COL3A1: variants seen among roughly 807,000 people sequenced by gnomAD.
COL3A1 encodes the protein collagen alpha-1(III) chain.
COL3A1 carries 46 observed loss-of-function variants against 200.9 expected under a neutral mutation model. That is an observed-to-expected ratio of 0.23 (90% confidence interval 0.18 to 0.29). The LOEUF (loss-of-function observed/expected upper bound fraction) is 0.29. Among genes scored for constraint, COL3A1 ranks in the 10% least tolerant of loss-of-function variants. COL3A1 has a pLI of 1.00. For synonymous variants in COL3A1, 650 were observed against 628.0 expected (o/e 1.03, Z -0.52); for missense variants, 1,367 against 1,917.6 (o/e 0.71, Z 5.36).
rs1688161240 is a variant in COL3A1 at position 188,990,346 on chromosome 2, A to G, written c.784A>G (p.Met262Val). The change falls in exon 10 of 51, where the codon ATG becomes GTG. Residue 262 changes from methionine to valine, a missense_variant. By Grantham distance (21) the Met-to-Val change is conservative (BLOSUM62 1). Around this residue, in one of 5 missense-constraint regions of COL3A1, gnomAD observed 462 missense variants for 681.4 expected, o/e 0.68. Coordinates refer to ENST00000304636, the MANE Select transcript of COL3A1 (RefSeq NM_000090.4). ...AGCTGGGATACCTGGATTCCCTGGTATGAAAGGACACAGAGTAAGTAGAGT... is the reference window on the plus strand; with the variant it reads ...AGCTGGGATACCTGGATTCCCTGGTGTGAAAGGACACAGAGTAAGTAGAGT... ...GPAGIPGFPG[M>V]KGHRGFDGRN... 4 of 1,613,166 alleles carry G rather than the reference A, an allele frequency of 2.5e-6. No individual in the cohort carries two copies. Among genetic ancestry groups the G allele is most frequent in the Non-Finnish European group, 3.4e-6 (4 of 1,179,384 alleles).
In COL3A1 at chr2:188,974,510, G is replaced by A; in HGVS notation, c.21G>A (p.Lys7=). 4.3e-6 allele frequency: 7 copies of A among 1,613,974 alleles called. No homozygotes were observed. Among genetic ancestry groups the A allele is most frequent in the Non-Finnish European group, 5.9e-6 (7 of 1,179,896 alleles). The part of the protein sequence containing the change: MMSFVQ[K]GSWLLLALLH... Reference sequence around the variant, plus strand: ...TAGACATGATGAGCTTTGTGCAAAAGGGGAGCTGGCTACTTCTCGCTCTGC... The same window carrying A: ...TAGACATGATGAGCTTTGTGCAAAAAGGGAGCTGGCTACTTCTCGCTCTGC... Residue 7 remains lysine (K), a synonymous_variant, in exon 1 of 51, where the codon AAG becomes AAA. Coordinates refer to ENST00000304636, the MANE Select transcript of COL3A1 (RefSeq NM_000090.4).
At position 189,010,358 on chromosome 2, in the gene COL3A1, G is replaced by C. The variant is rs755141907; in HGVS notation, c.4004G>C (p.Gly1335Ala). Reference protein sequence around the residue: ...HVWFGESMDGGFQFSYGNPEL... With the variant: ...HVWFGESMDGAFQFSYGNPEL... ...TGGTTTGGAGAGTCCATGGATGGTG[G>C]TTTTCAGGTAGGAAAGGATATACCT... Residue 1335 changes from glycine to alanine, a missense_variant, in exon 49 of 51, where the codon GGT becomes GCT. Physicochemically the swap from Gly to Ala is moderately conservative, Grantham distance 60. Coordinates refer to ENST00000304636, the MANE Select transcript of COL3A1 (RefSeq NM_000090.4). 6.2e-7 allele frequency: 1 copy of C among 1,614,108 alleles called. No individual in the cohort carries two copies. The highest frequency in any genetic ancestry group is 1.1e-5 in the South Asian group (1 of 91,088).
At chr2:188,978,172 T>G in intron 1 of COL3A1, 1 of 216,970 alleles carries the variant, frequency 4.6e-6, no homozygotes, top group South Asian at 5.4e-5. Flanking sequence ...AAGGTATTTT[T>G]ATTAAATTCT....
Position 188,989,733 on chromosome 2 carries a change from C to A in COL3A1, c.690+284C>A, listed in dbSNP as rs13388534. Among the ~76,000 whole-genome samples, 934 of 152,208 alleles carry A rather than the reference C, an allele frequency of 6.1e-3. 13 individuals carry two copies. The highest frequency in any genetic ancestry group is 0.022 in the African/African-American group (909 of 41,558). On this transcript the variant is annotated intron_variant, in intron 8 of 50. Transcript: ENST00000304636. ...ATTTAACTGGAGGAGAAATAGGTGT[C>A]TCTGCCTGCCTCTTTTAATGATGAA...
intron 48 of COL3A1, among the ~76,000 whole-genome samples, chr2:189,009,932 AG>A (rs1688683826): frequency 6.6e-6 from 1 of 152,192 alleles, no homozygotes; most frequent in Non-Finnish European, 1.5e-5. Flanking sequence ...AGCAATCAAA[AG>A]GTCTTAGCTT....
intron 13 of COL3A1, 145 bp downstream of exon 13, chr2:188,991,867 C>A: frequency 1.2e-6 from 1 of 865,174 alleles, no homozygotes; most frequent in African/African-American, 1.7e-5. Context: ...AAAGTTTTGG[C>A]TATAGTTAAA....
chr2:188,992,837 C>G, intron 14 of COL3A1, 50 bp from the exon 15 acceptor site: 2 of 1,480,750 alleles, frequency 1.4e-6, no homozygotes. Context: ...AGTATGTCAG[C>G]TTTCATTTAG....
chr2:188,980,857 T>C (rs1221676459), intron 1 of COL3A1, among the ~76,000 whole-genome samples: 1 of 151,288 alleles, frequency 6.6e-6, no homozygotes, highest in Non-Finnish European at 1.5e-5. Context: ...TACCCACATG[T>C]ACAAAATATT....
intron 41 of COL3A1, 29 bp downstream of exon 41, chr2:189,005,486 A>G (rs755968890): frequency 6.4e-7 from 1 of 1,563,806 alleles, no homozygotes; most frequent in South Asian, 1.1e-5. Flanking sequence ...TCAACCAGCC[A>G]GGTAGAATTT....
In COL3A1 at chr2:188,994,336, A is replaced by G. The variant is rs1688253995; in HGVS notation, c.1293+4A>G. The G allele has an allele frequency of 7.4e-6, 12 of 1,613,456 alleles. No homozygotes were observed. Among genetic ancestry groups the G allele is most frequent in the Non-Finnish European group, 9.3e-6 (11 of 1,179,888 alleles). ...TCCTGGACTGCGAGGTGGTGCAGTA[A>G]GTTGCCTTGTTTTTTCTCTGTTGAC... On this transcript the variant is annotated splice_donor_region_variant and intron_variant, in intron 18 of 50. Transcript: ENST00000304636. This position sits in a 1 kb window ranked among gnomAD's most constrained non-coding sequence, Gnocchi z 4.5.
chr2:188,985,896 T>C, intron 4 of COL3A1, 118 bp downstream of exon 4: 2 of 735,584 alleles, frequency 2.7e-6, no homozygotes, highest in South Asian at 1.6e-5. Context: ...TCTGATTCAG[T>C]GTATTTAATA....
At chr2:188,998,518 T>A (rs1688379660) in intron 28 of COL3A1, among the ~76,000 whole-genome samples, 156 bp from the exon 29 acceptor site, 1 of 152,108 alleles carries the variant, frequency 6.6e-6, no homozygotes, top group Non-Finnish European at 1.5e-5. Flanking sequence ...AAATAGAGAG[T>A]TCATAGTTTC....
At chr2:189,005,648 A>C (rs1296374631) in intron 41 of COL3A1, 191 bp downstream of exon 41, 4 of 669,710 alleles carry the variant, frequency 6.0e-6, no homozygotes, top group Non-Finnish European at 1.1e-5. Context: ...GTATTTACCC[A>C]ATGAATAATC....
chr2:189,009,754 A>G (rs1480706791), intron 48 of COL3A1, among the ~76,000 whole-genome samples: 13 of 152,176 alleles, frequency 8.5e-5, no homozygotes, highest in Non-Finnish European at 1.3e-4. Context: ...CTTTGCTAGG[A>G]GTCATTTCTA....
Position 188,990,136 on chromosome 2 carries a change from T to C in COL3A1, c.731T>C (p.Leu244Ser), listed in dbSNP as rs1449520780. 3 of 1,613,586 alleles carry C rather than the reference T, an allele frequency of 1.9e-6. No individual in the cohort carries two copies. The highest frequency in any genetic ancestry group is 2.5e-6 in the Non-Finnish European group (3 of 1,179,724). ...GRPGRPGERG[L>S]PGPPGIKGPA... ...CCCGGACGACCTGGAGAGCGAGGAT[T>C]GCCTGGACCTCCAGTGAGTCTTCAG... Residue 244 changes from leucine to serine, a missense_variant, in exon 9 of 51, where the codon TTG (leucine) becomes TCG (serine). This residue lies in a region of COL3A1 where 462 missense variants were observed against 681.4 expected (regional missense o/e 0.68). Transcript: ENST00000304636.
chr2:189,007,713 A>G, intron 45 of COL3A1, 106 bp downstream of exon 45: 1 of 1,256,452 alleles, frequency 8.0e-7, no homozygotes, highest in Non-Finnish European at 1.1e-6. Flanking sequence ...AAGAGATGAG[A>G]AATGGATTTG....
Position 189,010,678 on chromosome 2 carries a change from G to A in COL3A1, c.4042G>A (p.Asp1348Asn). 1 of 1,614,144 alleles carries A rather than the reference G, an allele frequency of 6.2e-7. No individual in the cohort carries two copies. The highest frequency in any genetic ancestry group is 8.5e-7 in the Non-Finnish European group (1 of 1,179,990). Residue 1348 changes from aspartate to asparagine, a missense_variant, in exon 50 of 51, where the codon GAT becomes AAT. By Grantham distance (23) the Asp-to-Asn change is conservative (BLOSUM62 1). Coordinates refer to ENST00000304636, the MANE Select transcript of COL3A1 (RefSeq NM_000090.4). ...FSYGNPELPE[D>N]VLDVHLAFLR... ...CTACGGCAATCCTGAACTTCCTGAAGATGTCCTTGATGTGCATCTGGCATT... is the reference window on the plus strand; with the variant it reads ...CTACGGCAATCCTGAACTTCCTGAAAATGTCCTTGATGTGCATCTGGCATT...
chr2:188,977,997 A>G (rs1445009723), intron 1 of COL3A1: 3 of 350,596 alleles, frequency 8.6e-6, no homozygotes, highest in African/African-American at 6.9e-5. Context: ...CATCCATGAT[A>G]CCTTGTATTT....
chr2:189,001,876 C>G (rs1459428615), intron 34 of COL3A1, among the ~76,000 whole-genome samples: 1 of 152,010 alleles, frequency 6.6e-6, no homozygotes, highest in Admixed American at 6.6e-5. Context: ...ATTTCTTAAG[C>G]CTATAGAATC....
Sources: gnomAD v4.1 joint callset for allele counts (sites outside exome capture counted in the v4.1 genomes callset) on GRCh38, gnomAD v4.1.1 for gene constraint, gnomAD v4.1.1 regional missense constraint, Gnocchi (gnomAD v3.1) non-coding constraint, MANE v1.5 for transcripts, NCBI Gene and HGNC (gene_info 2026-07-23, HGNC 2026-07-21) for gene names.